The following TIAM2 variants were observed in gnomAD, a reference collection of about 807,000 sequenced individuals.
TIAM2 encodes TIAM Rac1 associated GEF 2.
Under a neutral mutation model 152.9 loss-of-function variants are expected in TIAM2, and 80 were observed. The observed-to-expected ratio is 0.52, with a 90% confidence interval of 0.44 to 0.63. The LOEUF is 0.63. TIAM2 is among the 30% of genes least tolerant of loss of function. The probability of loss-of-function intolerance (pLI) is 0.00; values close to 1 mark genes in which losing one functional copy is unlikely to be tolerated. For missense variants in TIAM2, 1,965 were observed against 2,120.1 expected (o/e 0.93, Z 1.44); for synonymous variants, 804 against 838.0 (o/e 0.96, Z 0.70).
At chr6:155,191,098 G>T (rs138502322) in intron 14 of TIAM2, among the ~76,000 whole-genome samples, 1 of 152,144 alleles carries the variant, frequency 6.6e-6, no homozygotes, top group Non-Finnish European at 1.5e-5. Context: ...TAATACATGC[G>T]CATGGTACAA....
At chr6:155,083,801 G>C (rs1360892144) in intron 1 of TIAM2, among the ~76,000 whole-genome samples, 1 of 152,200 alleles carries the variant, frequency 6.6e-6, no homozygotes, top group East Asian at 1.9e-4. Context: ...GCAAGGGATG[G>C]CATAGTATTT....
rs375431662 is a variant in TIAM2, at chr6:155,190,812, A to T, written c.3064+7312A>T. Among the ~76,000 whole-genome samples the T allele has an allele frequency of 1.2e-4, 18 of 151,890 alleles. No individual in the cohort carries two copies. The East Asian group carries it at 1.4e-3, about 11-fold the overall frequency. On this transcript the variant is annotated intron_variant, in intron 14 of 26. Transcript: ENST00000682666. ...AACTATTGGCTGCTGAGAAGAGGAA[A>T]CTTTACAGCCTGTTACATAAGGAAA...
At chr6:155,165,529 GTGGCTCACGCCTGTAATTCTAGCACAC>G in intron 9 of TIAM2, 120 bp downstream of exon 9, 1 of 1,378,588 alleles carries the variant, frequency 7.3e-7, no homozygotes, top group Non-Finnish European at 9.8e-7. Flanking sequence ...GCGAGGTGGG[GTGGCTCACGCCTGTAATTCTAGCACAC>G]TGGGAGGGCA....
chr6:155,051,829 G>A (rs1777325727), intron 1 of TIAM2, among the ~76,000 whole-genome samples: 1 of 151,862 alleles, frequency 6.6e-6, no homozygotes, highest in African/African-American at 2.4e-5. Flanking sequence ...TATTAGAGAC[G>A]GGGTTTCACC....
At chr6:155,154,764 C>CGG in intron 7 of TIAM2, among the ~76,000 whole-genome samples, 1 of 152,166 alleles carries the variant, frequency 6.6e-6, no homozygotes, top group South Asian at 2.1e-4. Flanking sequence ...GTTGGACTAC[C>CGG]AGGGGTTGCT....
At chr6:155,096,345 T>C (rs776871741) in intron 2 of TIAM2, among the ~76,000 whole-genome samples, 2 of 152,216 alleles carry the variant, frequency 1.3e-5, no homozygotes, top group Admixed American at 6.5e-5. Context: ...TTGTGTTTTC[T>C]TCATGTTAGA....
At chr6:155,110,091 G>A (rs1195143864) in intron 2 of TIAM2, among the ~76,000 whole-genome samples, 3 of 151,850 alleles carry the variant, frequency 2.0e-5, no homozygotes, top group Non-Finnish European at 4.4e-5. Flanking sequence ...TGGGATTACA[G>A]GCAACTGCCA....
At chr6:155,182,158 C>A in intron 12 of TIAM2, 68 bp from the exon 13 acceptor site, 3 of 1,269,588 alleles carry the variant, frequency 2.4e-6, no homozygotes, top group Non-Finnish European at 3.4e-6. Flanking sequence ...GGAGATACTG[C>A]CGGTGTGGTT....
At chr6:155,072,183 G>A (rs1209160132) in intron 1 of TIAM2, among the ~76,000 whole-genome samples, 1 of 152,136 alleles carries the variant, frequency 6.6e-6, no homozygotes, top group Non-Finnish European at 1.5e-5. Flanking sequence ...TAATTGTGAG[G>A]GATGGATGAC....
chr6:155,152,448 TC>T (rs1485958635), intron 7 of TIAM2, among the ~76,000 whole-genome samples: 2 of 152,090 alleles, frequency 1.3e-5, no homozygotes, highest in Non-Finnish European at 2.9e-5. Context: ...CAGCCGTACC[TC>T]CCCGCTCTCT....
chr6:155,233,752 A>G (rs1782589391), intron 15 of TIAM2, among the ~76,000 whole-genome samples: 1 of 152,126 alleles, frequency 6.6e-6, no homozygotes, highest in Non-Finnish European at 1.5e-5. Context: ...GGAGTTCAGG[A>G]GTTTGAGACC....
At chr6:155,106,699 T>C (rs1253451386) in intron 2 of TIAM2, among the ~76,000 whole-genome samples, 2 of 152,220 alleles carry the variant, frequency 1.3e-5, no homozygotes, top group Non-Finnish European at 2.9e-5. Context: ...AAAAAGAAGC[T>C]GAGGCTCCCT....
Position 155,227,046 on chromosome 6 carries a change from C to T in TIAM2, c.3169-13484C>T, listed in dbSNP as rs560688495. Among the ~76,000 whole-genome samples the T allele has an allele frequency of 3.3e-5, 5 of 152,304 alleles. No individual in the cohort carries two copies. In the East Asian group the frequency reaches 9.7e-4, roughly 29 times the overall value. ...AGGAGAGTTAACTAGAAGGATTTTC[C>T]CTCCTGCTCTACTAAGTTGGAAAGG... On this transcript the variant is annotated intron_variant, in intron 15 of 26. Transcript: ENST00000682666.
rs77091019 is a variant in TIAM2, at chr6:155,173,307, C to A, written c.2362-3509C>A. ...CTTTGATGGCCTTGGCTTTGATAGG[C>A]GTCTTCTCTTCTATGGTTCACTAGA... is the stretch of plus-strand genomic sequence containing the variant. On this transcript the variant is annotated intron_variant, in intron 9 of 26. Transcript: ENST00000682666. Among the ~76,000 whole-genome samples, 308 of 152,004 alleles carry A rather than the reference C, an allele frequency of 2.0e-3. 3 individuals are homozygous for A. Among genetic ancestry groups the A allele is most frequent in the East Asian group, 0.02 (103 of 5,168 alleles).
At chr6:155,119,969 C>T (rs745624178) in intron 2 of TIAM2, among the ~76,000 whole-genome samples, 4 of 152,168 alleles carry the variant, frequency 2.6e-5, no homozygotes, top group East Asian at 3.8e-4. Flanking sequence ...ATCAATTCAT[C>T]GAATGGATTT....
At chr6:155,168,198 A>G (rs1780491156) in intron 9 of TIAM2, among the ~76,000 whole-genome samples, 1 of 152,138 alleles carries the variant, frequency 6.6e-6, no homozygotes, top group South Asian at 2.1e-4. Flanking sequence ...TAATTCTTCT[A>G]CCCAAACAAA....
At chr6:155,019,542 G>A (rs1776420507) in intron 1 of TIAM2, among the ~76,000 whole-genome samples, 1 of 152,174 alleles carries the variant, frequency 6.6e-6, no homozygotes, top group Non-Finnish European at 1.5e-5. Context: ...GCAAATAGTG[G>A]GGGTGGGCTG....
At chr6:155,085,183 G>A (rs953153339) in intron 1 of TIAM2, among the ~76,000 whole-genome samples, 12 of 152,136 alleles carry the variant, frequency 7.9e-5, no homozygotes, top group African/African-American at 2.9e-4. Context: ...GAATTGATAA[G>A]CTGCCTAGCT....
chr6:155,083,917 C>T (rs917691954), intron 1 of TIAM2, among the ~76,000 whole-genome samples: 12 of 152,188 alleles, frequency 7.9e-5, no homozygotes, highest in Non-Finnish European at 1.6e-4. Context: ...GAGAACCAGG[C>T]ATAAACCTCC....
Sources: gnomAD v4.1 joint callset for allele counts (sites outside exome capture counted in the v4.1 genomes callset) on GRCh38, gnomAD v4.1.1 for gene constraint, MANE v1.5 for transcripts, NCBI Gene and HGNC (gene_info 2026-07-23, HGNC 2026-07-21) for gene names.